ADK: variants seen among roughly 807,000 people sequenced by gnomAD.
ADK encodes N6,N6-dimethyladenosine kinase.
A neutral mutation model predicts 44.7 loss-of-function variants in ADK; 24 were observed. The ratio of observed to expected loss-of-function variants is 0.54; its 90% CI spans 0.39 to 0.76. The LOEUF (loss-of-function observed/expected upper bound fraction) is 0.76, where lower values mean the gene tolerates loss of function less well. Ranked by LOEUF, ADK falls within the 30% of genes least tolerant of loss-of-function variation. The pLI, the probability that ADK is intolerant of heterozygous loss-of-function variation, is 0.00. For synonymous variants in ADK, 128 were observed against 142.6 expected, an observed-to-expected ratio of 0.90 and a Z score of 0.73; for missense variants, 321 against 425.1, an observed-to-expected ratio of 0.76 and a Z score of 2.15.
chr10:74,707,661 C>T (rs542115503), intron 10 of ADK, among the ~76,000 whole-genome samples: 1 of 150,460 alleles, frequency 6.6e-6, no homozygotes, highest in Non-Finnish European at 1.5e-5. Context: ...TACTCGGGAG[C>T]CTGAGGCAGA....
intron 10 of ADK, 126 bp from the exon 11 acceptor site, chr10:74,708,195 G>T: frequency 5.5e-6 from 5 of 914,918 alleles, no homozygotes; most frequent in Non-Finnish European, 8.5e-6. Flanking sequence ...TAACGCACAA[G>T]ACTTTCTCTT....
chr10:74,203,150 T>G (rs888933992), intron 2 of ADK, among the ~76,000 whole-genome samples: 1 of 152,216 alleles, frequency 6.6e-6, no homozygotes, highest in African/African-American at 2.4e-5. Flanking sequence ...AGGGTTCAAC[T>G]TTATTCTTTT....
chr10:74,349,068 G>C (rs1044681232), intron 4 of ADK, among the ~76,000 whole-genome samples: 1 of 151,668 alleles, frequency 6.6e-6, no homozygotes, highest in African/African-American at 2.4e-5. Context: ...GGAGAACACT[G>C]CAAAGATACT....
chr10:74,387,189 C>A (rs1260794654), intron 4 of ADK, among the ~76,000 whole-genome samples: 1 of 152,218 alleles, frequency 6.6e-6, no homozygotes, highest in African/African-American at 2.4e-5. Flanking sequence ...CCTGCCTCAG[C>A]CTTCCAAAGT....
At chr10:74,176,376 C>A in intron 1 of ADK, 1 of 860,746 alleles carries the variant, frequency 1.2e-6, no homozygotes, top group Non-Finnish European at 1.4e-6. Context: ...CTGTTAAATC[C>A]CACTCCCGAA....
intron 3 of ADK, among the ~76,000 whole-genome samples, chr10:74,243,049 G>T (rs932044645): frequency 6.6e-6 from 1 of 152,244 alleles, no homozygotes; most frequent in African/African-American, 2.4e-5. Flanking sequence ...CAAAAAGGCT[G>T]TCATACTGGC....
intron 3 of ADK, among the ~76,000 whole-genome samples, chr10:74,258,847 TA>T (rs1351054481): frequency 1.3e-5 from 2 of 152,196 alleles, no homozygotes; most frequent in African/African-American, 2.4e-5. Flanking sequence ...TTATTCATGT[TA>T]CTAAATGGGT....
chr10:74,660,324 G>A (rs1447494272), intron 9 of ADK, among the ~76,000 whole-genome samples: 1 of 152,076 alleles, frequency 6.6e-6, no homozygotes, highest in East Asian at 1.9e-4. Context: ...TAGAGATGGA[G>A]TTTCGCCATG....
intron 2 of ADK, among the ~76,000 whole-genome samples, chr10:74,216,063 A>G (rs554088148): frequency 2.0e-4 from 31 of 152,316 alleles, no homozygotes; most frequent in Admixed American, 1.9e-3. Context: ...TAAAAATTTT[A>G]TAGTCCTTTC....
At chr10:74,306,543 A>T (rs1280156821) in intron 3 of ADK, among the ~76,000 whole-genome samples, 5 of 152,230 alleles carry the variant, frequency 3.3e-5, no homozygotes, top group Admixed American at 2.0e-4. Context: ...TTTACCTCTT[A>T]TTATAACTTT....
chr10:74,251,540 A>G (rs1234628913), intron 3 of ADK, among the ~76,000 whole-genome samples: 1 of 152,194 alleles, frequency 6.6e-6, no homozygotes, highest in Non-Finnish European at 1.5e-5. Flanking sequence ...AGCATTTTGC[A>G]TTCATCATCC....
intron 6 of ADK, among the ~76,000 whole-genome samples, chr10:74,469,087 C>T (rs1327565602): frequency 6.6e-6 from 1 of 152,120 alleles, no homozygotes; most frequent in African/African-American, 2.4e-5. Flanking sequence ...CCTGTAATCC[C>T]AGCACTCTGG....
intron 3 of ADK, among the ~76,000 whole-genome samples, chr10:74,279,684 T>C (rs79977722): frequency 0.15 from 23,150 of 152,120 alleles, 2,268 homozygotes; most frequent in Non-Finnish European, 0.22. Flanking sequence ...TAAATAGTGA[T>C]GTTTCATCTT....
chr10:74,261,038 A>T (rs1846018797), intron 3 of ADK, among the ~76,000 whole-genome samples: 1 of 152,226 alleles, frequency 6.6e-6, no homozygotes, highest in Non-Finnish European at 1.5e-5. Context: ...GATACAGATC[A>T]TATTATATAC....
At chr10:74,251,170 A>C (rs1387712051) in intron 3 of ADK, among the ~76,000 whole-genome samples, 1 of 152,220 alleles carries the variant, frequency 6.6e-6, no homozygotes, top group Non-Finnish European at 1.5e-5. Flanking sequence ...AAGGAAAAGC[A>C]ATATGGTTGA....
intron 4 of ADK, among the ~76,000 whole-genome samples, chr10:74,328,835 G>A (rs1841110425): frequency 6.6e-6 from 1 of 151,750 alleles, no homozygotes. Context: ...TTTCTTTATA[G>A]CAGCGTGAAA....
chr10:74,510,665 T>G (rs1321573905), intron 6 of ADK, among the ~76,000 whole-genome samples: 2 of 152,192 alleles, frequency 1.3e-5, no homozygotes, highest in African/African-American at 4.8e-5. Context: ...ATTTCACCTG[T>G]GTTTTCTTCT....
At chr10:74,184,084 A>G (rs1490095874) in intron 1 of ADK, among the ~76,000 whole-genome samples, 2 of 151,752 alleles carry the variant, frequency 1.3e-5, no homozygotes, top group East Asian at 3.9e-4. Context: ...CGCCCTGCCA[A>G]TTTTTGTATT....
intron 9 of ADK, among the ~76,000 whole-genome samples, chr10:74,652,961 T>C (rs1186795543): frequency 6.6e-6 from 1 of 152,218 alleles, no homozygotes; most frequent in African/African-American, 2.4e-5. Context: ...GTACGATCAA[T>C]TCATAAGCTG....
Sources: gnomAD v4.1 joint callset for allele counts (sites outside exome capture counted in the v4.1 genomes callset) on GRCh38, gnomAD v4.1.1 for gene constraint, MANE v1.5 for transcripts, NCBI Gene and HGNC (gene_info 2026-07-23, HGNC 2026-07-21) for gene names.